The following EXOC4 variants were observed in gnomAD, a reference collection of about 807,000 sequenced individuals.
EXOC4 encodes the protein SEC8-like 1.
Under a neutral mutation model 107.2 loss-of-function variants are expected in EXOC4, and 71 were observed. The observed-to-expected ratio is 0.66, with a 90% CI of 0.55 to 0.81. The LOEUF is 0.81. Among genes scored for constraint, EXOC4 ranks in the 30% least tolerant of loss-of-function variants. EXOC4 has a pLI of 0.00. For missense variants in EXOC4, 1,108 were observed against 1,189.6 expected, an observed-to-expected ratio of 0.93 and a Z score of 1.01; for synonymous variants, 456 against 441.2, an observed-to-expected ratio of 1.03 and a Z score of -0.42.
intron 5 of EXOC4, among the ~76,000 whole-genome samples, chr7:133,353,375 A>G (rs1302984974): frequency 2.0e-5 from 3 of 152,036 alleles, no homozygotes; most frequent in Non-Finnish European, 2.9e-5. Flanking sequence ...ATTTTTCCCA[A>G]TCACTTTTGA....
chr7:134,074,013 A>C, the EXOC4 span, among the ~76,000 whole-genome samples: 1 of 152,200 alleles, frequency 6.6e-6, no homozygotes, highest in Non-Finnish European at 1.5e-5. Flanking sequence ...TCCAGGCCTC[A>C]GTGTCCATCC....
At chr7:133,319,357 T>A (rs1192360180) in intron 5 of EXOC4, among the ~76,000 whole-genome samples, 1 of 152,242 alleles carries the variant, frequency 6.6e-6, no homozygotes, top group Admixed American at 6.5e-5. Context: ...TTGCATTCAT[T>A]ACTTAGTGGA....
intron 10 of EXOC4, among the ~76,000 whole-genome samples, chr7:133,679,628 T>C (rs1335943063): frequency 1.3e-5 from 2 of 151,872 alleles, no homozygotes; most frequent in Non-Finnish European, 2.9e-5. Flanking sequence ...CCCTGGGGAG[T>C]GGTTTTAGCT....
At chr7:133,305,127 C>G (rs1794722954) in intron 3 of EXOC4, among the ~76,000 whole-genome samples, 1 of 150,548 alleles carries the variant, frequency 6.6e-6, no homozygotes, top group Non-Finnish European at 1.5e-5. Context: ...GTTGGTTGCT[C>G]CAGGTTCCCT....
intron 10 of EXOC4, among the ~76,000 whole-genome samples, chr7:133,688,037 T>TA (rs1267815222): frequency 2.6e-5 from 4 of 152,196 alleles, no homozygotes; most frequent in African/African-American, 9.6e-5. Context: ...CAAGCTCCCT[T>TA]AAAATAGTTT....
chr7:133,917,248 C>T (rs1268254329), intron 12 of EXOC4, among the ~76,000 whole-genome samples: 2 of 152,274 alleles, frequency 1.3e-5, no homozygotes, highest in African/African-American at 2.4e-5. Flanking sequence ...ATGGTTATCC[C>T]ACTTTTTATT....
At chr7:133,759,612 A>G (rs1314197714) in intron 10 of EXOC4, among the ~76,000 whole-genome samples, 3 of 152,204 alleles carry the variant, frequency 2.0e-5, no homozygotes, top group Non-Finnish European at 4.4e-5. Flanking sequence ...AAACCCTGAT[A>G]GTATGACTCT....
chr7:133,536,072 G>T (rs1462511840), intron 9 of EXOC4, among the ~76,000 whole-genome samples: 1 of 151,990 alleles, frequency 6.6e-6, no homozygotes, highest in African/African-American at 2.4e-5. Context: ...TTGAGACAAA[G>T]ACCTGAATTT....
intron 10 of EXOC4, among the ~76,000 whole-genome samples, chr7:133,672,127 C>CA (rs1793960049): frequency 6.6e-6 from 1 of 152,058 alleles, no homozygotes; most frequent in Non-Finnish European, 1.5e-5. Flanking sequence ...CGTGGTGGCT[C>CA]ACGCCTGTAA....
intron 2 of EXOC4, among the ~76,000 whole-genome samples, chr7:133,281,255 C>T (rs1196546099): frequency 6.6e-6 from 1 of 150,426 alleles, no homozygotes; most frequent in African/African-American, 2.5e-5. Context: ...GCACAATGTG[C>T]ACATGTACCC....
chr7:133,626,170 G>T (rs573394026), intron 9 of EXOC4, among the ~76,000 whole-genome samples: 3 of 152,006 alleles, frequency 2.0e-5, no homozygotes, highest in Non-Finnish European at 4.4e-5. Context: ...TCTCACCAGT[G>T]TACACCAGCC....
At chr7:133,967,621 C>T (rs1214572387) in intron 14 of EXOC4, among the ~76,000 whole-genome samples, 1 of 152,098 alleles carries the variant, frequency 6.6e-6, no homozygotes, top group Non-Finnish European at 1.5e-5. Flanking sequence ...GTTTAGTTTC[C>T]ATGAAGTTGT....
At chr7:133,725,000 A>C (rs1795184869) in intron 10 of EXOC4, among the ~76,000 whole-genome samples, 1 of 152,232 alleles carries the variant, frequency 6.6e-6, no homozygotes, top group Non-Finnish European at 1.5e-5. Flanking sequence ...AGGTTTAGCG[A>C]AGTACAGGAA....
At chr7:133,475,085 G>A (rs1049665608) in intron 7 of EXOC4, among the ~76,000 whole-genome samples, 7 of 152,002 alleles carry the variant, frequency 4.6e-5, no homozygotes, top group Non-Finnish European at 7.4e-5. Flanking sequence ...CAATAAAAAC[G>A]TTCCTTTTAC....
chr7:133,598,329 G>T (rs1375071345), intron 9 of EXOC4, among the ~76,000 whole-genome samples: 3 of 152,112 alleles, frequency 2.0e-5, no homozygotes, highest in African/African-American at 7.2e-5. Flanking sequence ...TTAGTATTTG[G>T]ACTTTGTTTA....
chr7:133,661,309 A>G (rs889719271), intron 10 of EXOC4, among the ~76,000 whole-genome samples: 2 of 152,146 alleles, frequency 1.3e-5, no homozygotes, highest in Non-Finnish European at 2.9e-5. Context: ...ACAATTAACC[A>G]TATACACATC....
intron 17 of EXOC4, among the ~76,000 whole-genome samples, chr7:134,063,351 G>A (rs1469772722): frequency 2.0e-5 from 3 of 152,134 alleles, no homozygotes; most frequent in South Asian, 2.1e-4. Flanking sequence ...ATTAACGCAC[G>A]GTACTAGGAC....
At chr7:133,804,859 A>G (rs2542272) in intron 10 of EXOC4, among the ~76,000 whole-genome samples, 131,930 of 152,172 alleles carry the variant, frequency 0.87, 57,359 homozygotes, top group East Asian at 0.99. Flanking sequence ...TCCTTTCACC[A>G]TCTTTCTTCC....
At chr7:133,386,870 G>A (rs961339857) in intron 7 of EXOC4, among the ~76,000 whole-genome samples, 2 of 151,756 alleles carry the variant, frequency 1.3e-5, no homozygotes, top group Admixed American at 1.3e-4. Flanking sequence ...AGACTCAGTT[G>A]TTCTGGTAAA....
Sources: gnomAD v4.1 joint callset for allele counts (sites outside exome capture counted in the v4.1 genomes callset) on GRCh38, gnomAD v4.1.1 for gene constraint, MANE v1.5 for transcripts, NCBI Gene and HGNC (gene_info 2026-07-23, HGNC 2026-07-21) for gene names.